The following PCDHAC1 variants were observed in gnomAD, a reference collection of about 807,000 sequenced individuals.
PCDHAC1 encodes protocadherin alpha-C1.
In PCDHAC1, 42 loss-of-function variants were observed where a neutral mutation model predicts 60.0. That is an observed-to-expected ratio of 0.70 (90% confidence interval 0.55 to 0.90). The LOEUF (loss-of-function observed/expected upper bound fraction) is 0.90. Among genes scored for constraint, PCDHAC1 ranks in the 40% least tolerant of loss-of-function variants. The pLI is 0.00. For synonymous variants in PCDHAC1, 468 were observed against 499.3 expected, an observed-to-expected ratio of 0.94 and a Z score of 0.84; for missense variants, 1,160 against 1,222.3, an observed-to-expected ratio of 0.95 and a Z score of 0.76.
intron 3 of PCDHAC1, among the ~76,000 whole-genome samples, chr5:140,984,164 A>T (rs1471799520): frequency 6.6e-6 from 1 of 152,208 alleles, no homozygotes; most frequent in African/African-American, 2.4e-5. Flanking sequence ...GAACTTCCCA[A>T]AGAAGCCACG....
intron 1 of PCDHAC1, among the ~76,000 whole-genome samples, chr5:140,940,084 A>G (rs1320170233): frequency 1.3e-5 from 2 of 152,202 alleles, no homozygotes; most frequent in East Asian, 3.8e-4. Context: ...TCTTTCTGCT[A>G]AATTGAAACT....
chr5:141,009,597 G>A (rs1284925593), intron 3 of PCDHAC1, 30 bp from the exon 4 acceptor site: 1 of 1,605,790 alleles, frequency 6.2e-7, no homozygotes, highest in Non-Finnish European at 8.5e-7. Flanking sequence ...TGTTGACCCT[G>A]TTAATGATTT....
At chr5:140,995,491 AG>A (rs1467871177) in intron 3 of PCDHAC1, among the ~76,000 whole-genome samples, 5 of 152,224 alleles carry the variant, frequency 3.3e-5, no homozygotes, top group Non-Finnish European at 5.9e-5. Context: ...TTTCAGACTA[AG>A]GTTGACTGTG....
intron 2 of PCDHAC1, among the ~76,000 whole-genome samples, chr5:140,979,714 T>G (rs1428916313): frequency 4.6e-5 from 7 of 152,270 alleles, no homozygotes; most frequent in African/African-American, 1.7e-4. Context: ...TGATCCAGTA[T>G]CCATGCCATG....
chr5:140,986,238 A>G (rs1358537911), intron 3 of PCDHAC1, among the ~76,000 whole-genome samples: 1 of 152,152 alleles, frequency 6.6e-6, no homozygotes. Context: ...CCTCTGTGTG[A>G]GCAGACCCGG....
At chr5:141,001,997 CA>C (rs1587968703) in intron 3 of PCDHAC1, among the ~76,000 whole-genome samples, 1 of 152,190 alleles carries the variant, frequency 6.6e-6, no homozygotes, top group Admixed American at 6.5e-5. Flanking sequence ...AGTTCACTTG[CA>C]AACACAGAAT....
intron 2 of PCDHAC1, 87 bp downstream of exon 2, chr5:140,979,094 T>C (rs1203462119): frequency 6.4e-7 from 1 of 1,551,870 alleles, no homozygotes; most frequent in Non-Finnish European, 8.7e-7. Flanking sequence ...CAGAAGCAGC[T>C]GTCAAAACTA....
chr5:140,928,983 G>T lies in PCDHAC1; in HGVS notation c.2091G>T (p.Gly697=). 1 of 1,613,838 alleles carries T rather than the reference G, an allele frequency of 6.2e-7. No homozygotes were observed. Among genetic ancestry groups the T allele is most frequent in the Non-Finnish European group, 8.5e-7 (1 of 1,179,902 alleles). ...ALACISFLFL[G]CLLFFVCTKL... is the part of the protein sequence containing the mutation. Reference sequence around the variant, plus strand: ...CTTGTATTTCCTTTTTATTTCTGGGGTGCTTACTTTTCTTCGTGTGTACCA... The same window carrying T: ...CTTGTATTTCCTTTTTATTTCTGGGTTGCTTACTTTTCTTCGTGTGTACCA... Residue 697 remains glycine (G), a synonymous_variant, in exon 1 of 4, where the codon GGG becomes GGT. Transcript: ENST00000253807.
At chr5:140,983,092 T>C (rs782172308) in intron 3 of PCDHAC1, among the ~76,000 whole-genome samples, 4 of 152,178 alleles carry the variant, frequency 2.6e-5, no homozygotes, top group Non-Finnish European at 5.9e-5. Flanking sequence ...TCAAAGTCAA[T>C]CTGCTTCTCT....
At chr5:140,967,996 C>T in intron 1 of PCDHAC1, 2 of 1,614,214 alleles carry the variant, frequency 1.2e-6, no homozygotes, top group Non-Finnish European at 1.7e-6. Flanking sequence ...CACTGCCTTT[C>T]CGACTGAATG....
intron 1 of PCDHAC1, among the ~76,000 whole-genome samples, chr5:140,962,388 C>T (rs782676502): frequency 5.9e-5 from 9 of 152,254 alleles, no homozygotes; most frequent in South Asian, 4.1e-4. Flanking sequence ...GTTAATATTA[C>T]GCAATCTGCC....
chr5:140,937,195 G>A lies in PCDHAC1; in HGVS notation c.2433+7870G>A, dbSNP rs371063672. On this transcript the variant is annotated intron_variant, in intron 1 of 3. Coordinates refer to ENST00000253807, the MANE Select transcript of PCDHAC1 (RefSeq NM_018898.5). ...TGGGACTACAGGCGCCCGCCACCAT[G>A]CCCGGCTAATTTTTTGTATTTTTTG... Among the ~76,000 whole-genome samples the A allele has an allele frequency of 1.5e-3, 231 of 151,994 alleles. 5 individuals are homozygous for A. The South Asian group carries it at 0.033, about 22-fold the overall frequency.
In PCDHAC1 at chr5:140,936,286, A is replaced by G. The variant is rs73266055; in HGVS notation, c.2433+6961A>G. Among the ~76,000 whole-genome samples the G allele has an allele frequency of 3.3e-3, 501 of 152,358 alleles. 2 individuals are homozygous for G. The highest frequency in any genetic ancestry group is 0.012 in the African/African-American group (482 of 41,580). On this transcript the variant is annotated intron_variant, in intron 1 of 3. Transcript: ENST00000253807. ...AAGATATATTCCTGTGTTTTCTTCT[A>G]TAACATTGCTATCCAATAGAACTTT...
chr5:141,008,679 T>C (rs950831628), intron 3 of PCDHAC1, among the ~76,000 whole-genome samples: 4 of 152,238 alleles, frequency 2.6e-5, no homozygotes, highest in South Asian at 4.1e-4. Context: ...TATACTTTAG[T>C]TATTGCATGT....
intron 3 of PCDHAC1, among the ~76,000 whole-genome samples, chr5:140,994,367 G>C (rs2097617491): frequency 6.6e-6 from 1 of 152,110 alleles, no homozygotes; most frequent in African/African-American, 2.4e-5. Context: ...AGATGGAATT[G>C]GAAATTCAGG....
intron 1 of PCDHAC1, among the ~76,000 whole-genome samples, chr5:140,962,118 C>T (rs561645739): frequency 1.3e-5 from 2 of 152,210 alleles, no homozygotes; most frequent in East Asian, 1.9e-4. Context: ...ATCTCCTAAC[C>T]TTGGCCTCGG....
chr5:140,947,754 G>A (rs1295200380), intron 1 of PCDHAC1, among the ~76,000 whole-genome samples: 2 of 151,334 alleles, frequency 1.3e-5, no homozygotes, highest in African/African-American at 2.4e-5. Flanking sequence ...TGTATTTTAT[G>A]GTTTAAAAAA....
At chr5:140,994,817 T>C (rs1362838008) in intron 3 of PCDHAC1, among the ~76,000 whole-genome samples, 3 of 152,068 alleles carry the variant, frequency 2.0e-5, no homozygotes, top group African/African-American at 7.2e-5. Context: ...TACAAAAAAC[T>C]GAATTGTGTA....
At chr5:140,933,501 G>A (rs1320553451) in intron 1 of PCDHAC1, among the ~76,000 whole-genome samples, 2 of 151,978 alleles carry the variant, frequency 1.3e-5, no homozygotes, top group Non-Finnish European at 2.9e-5. Flanking sequence ...GAATTGTTAA[G>A]CAAAGACTAC....
Sources: allele counts gnomAD v4.1 joint callset (sites outside exome capture counted in the v4.1 genomes callset), GRCh38; gene constraint gnomAD v4.1.1; transcripts MANE v1.5; gene names NCBI Gene and HGNC (gene_info 2026-07-23, HGNC 2026-07-21).